PALLD: variants seen among roughly 807,000 people sequenced by gnomAD.
PALLD encodes palladin.
A neutral mutation model predicts 123.5 loss-of-function variants in PALLD; 61 were observed. The observed-to-expected ratio is 0.49, with a 90% confidence interval of 0.40 to 0.61. PALLD has a LOEUF of 0.61. Among genes scored for constraint, PALLD ranks in the 20% least tolerant of loss-of-function variants. PALLD has a pLI of 0.00. For synonymous variants in PALLD, 465 were observed against 496.4 expected (o/e 0.94, Z 0.84); for missense variants, 1,273 against 1,377.0 (o/e 0.92, Z 1.20).
At chr4:168,837,082 G>A (rs572550581) in intron 10 of PALLD, among the ~76,000 whole-genome samples, 272 of 152,230 alleles carry the variant, frequency 1.8e-3, no homozygotes, top group African/African-American at 6.2e-3. Flanking sequence ...TTCCTTTCAC[G>A]TTTCCTCATG....
intron 10 of PALLD, among the ~76,000 whole-genome samples, chr4:168,876,602 T>G (rs1023811744): frequency 4.6e-5 from 7 of 152,254 alleles, no homozygotes; most frequent in African/African-American, 9.6e-5. Flanking sequence ...TAGAACTTGC[T>G]GATGTTCCCA....
intron 2 of PALLD, among the ~76,000 whole-genome samples, chr4:168,664,829 A>G (rs1779477201): frequency 6.6e-6 from 1 of 152,104 alleles, no homozygotes; most frequent in African/African-American, 2.4e-5. Flanking sequence ...TAAAAACAAA[A>G]AGGGCAGCAT....
At chr4:168,713,201 T>A (rs1227074121) in intron 10 of PALLD, among the ~76,000 whole-genome samples, 1 of 152,212 alleles carries the variant, frequency 6.6e-6, no homozygotes, top group African/African-American at 2.4e-5. Context: ...CACAATAGTG[T>A]GAAAGGTGCT....
intron 2 of PALLD, among the ~76,000 whole-genome samples, chr4:168,611,540 C>T (rs1385705686): frequency 6.6e-6 from 1 of 152,192 alleles, no homozygotes; most frequent in Non-Finnish European, 1.5e-5. Context: ...ATCAACTCTT[C>T]AATTTGACAT....
At chr4:168,793,240 TA>T in intron 10 of PALLD, among the ~76,000 whole-genome samples, 1 of 19,336 alleles carries the variant, frequency 5.2e-5, no homozygotes, top group African/African-American at 1.9e-4. Context: ...TATACATATA[TA>T]TGTGTGCATA....
intron 2 of PALLD, among the ~76,000 whole-genome samples, chr4:168,563,463 G>A (rs1047204670): frequency 1.2e-4 from 18 of 152,150 alleles, no homozygotes; most frequent in African/African-American, 3.6e-4. Context: ...CATGATTAAA[G>A]TCAAATCTCA....
chr4:168,772,574 A>G (rs1233660030), intron 10 of PALLD, among the ~76,000 whole-genome samples: 2 of 152,226 alleles, frequency 1.3e-5, no homozygotes, highest in Non-Finnish European at 2.9e-5. Context: ...TTGAAAGCTT[A>G]TAAATAGAGG....
intron 8 of PALLD, among the ~76,000 whole-genome samples, chr4:168,704,695 T>C (rs970541978): frequency 2.7e-5 from 4 of 150,346 alleles, no homozygotes; most frequent in Non-Finnish European, 3.0e-5. Flanking sequence ...AATGTGTATG[T>C]TGTATTTGTA....
intron 10 of PALLD, among the ~76,000 whole-genome samples, chr4:168,792,756 CT>C (rs113028695): frequency 6.6e-6 from 1 of 150,716 alleles, no homozygotes; most frequent in Admixed American, 6.6e-5. Flanking sequence ...TAATCTTATT[CT>C]TTTTTTTTCT....
intron 2 of PALLD, among the ~76,000 whole-genome samples, chr4:168,599,215 AAAAACATTAGAAATGTCTACAT>A (rs1284115125): frequency 6.6e-6 from 1 of 152,210 alleles, no homozygotes; most frequent in African/African-American, 2.4e-5. Flanking sequence ...CTAATTTTAC[AAAAACATTAGAAATGTCTACAT>A]ATTTTAAGGG....
intron 2 of PALLD, among the ~76,000 whole-genome samples, chr4:168,536,067 G>A (rs1765059949): frequency 2.6e-5 from 4 of 152,114 alleles, no homozygotes; most frequent in Admixed American, 2.6e-4. Flanking sequence ...AGAATTGTCT[G>A]GAATCTTTTC....
intron 2 of PALLD, among the ~76,000 whole-genome samples, chr4:168,531,248 A>C (rs1463198823): frequency 6.6e-6 from 1 of 152,168 alleles, no homozygotes; most frequent in African/African-American, 2.4e-5. Flanking sequence ...TTGGAGTAAC[A>C]AAGAATTGCT....
Position 168,743,415 on chromosome 4 carries a change from A to AT in PALLD, c.1964+31502dup, listed in dbSNP as rs552104818. 3.8e-4 allele frequency among the ~76,000 whole-genome samples: 57 copies of AT among 149,340 alleles called. 1 individual carries two copies. Among genetic ancestry groups the AT allele is most frequent in the South Asian group, 2.3e-3 (11 of 4,726 alleles). On this transcript the variant is annotated intron_variant, in intron 10 of 21. Transcript: ENST00000505667. ...TTAATATGGTTCAATTACTTTCGAGATTTTTTTTTTAATGGGGACACTACA... is the reference window on the plus strand; with the variant it reads ...TTAATATGGTTCAATTACTTTCGAGATTTTTTTTTTTAATGGGGACACTACA...
intron 6 of PALLD, among the ~76,000 whole-genome samples, chr4:168,690,147 A>C (rs1782482111): frequency 6.6e-6 from 1 of 152,242 alleles, no homozygotes; most frequent in Non-Finnish European, 1.5e-5. Flanking sequence ...GTACATGAAA[A>C]GGCTGAGGCA....
intron 2 of PALLD, among the ~76,000 whole-genome samples, chr4:168,574,407 A>T (rs1281450410): frequency 1.3e-5 from 2 of 152,110 alleles, no homozygotes; most frequent in Non-Finnish European, 2.9e-5. Flanking sequence ...GTAGCTTCTT[A>T]CTTGTCTTCT....
At chr4:168,682,935 A>G in intron 4 of PALLD, 63 bp from the exon 5 acceptor site, 1 of 993,614 alleles carries the variant, frequency 1.0e-6, no homozygotes, top group Non-Finnish European at 1.6e-6. Flanking sequence ...CTGCTAAAAA[A>G]AAAAAACAAA....
In PALLD at chr4:168,668,216, A is replaced by G. The variant is rs1779841286; in HGVS notation, c.935A>G (p.His312Arg). 1 of 1,614,144 alleles carries G rather than the reference A, an allele frequency of 6.2e-7. No individual in the cohort carries two copies. ...VRWFCEGKEL[H>R]NTPDIQIHCE... ...TGGTTCTGTGAAGGGAAAGAACTGC[A>G]CAACACTCCTGATATTCAAATCCAC... Residue 312 changes from histidine to arginine, a missense_variant, in exon 3 of 22, where the codon CAC becomes CGC. Around this residue, in one of 2 missense-constraint regions of PALLD, gnomAD observed 944 missense variants for 954.5 expected, o/e 0.99. Transcript: ENST00000505667.
chr4:168,513,339 AGT>A (rs1561195610), intron 2 of PALLD, among the ~76,000 whole-genome samples: 2 of 152,210 alleles, frequency 1.3e-5, no homozygotes, highest in Non-Finnish European at 2.9e-5. Context: ...CAGTGAAGGG[AGT>A]ATGCACTTAG....
intron 10 of PALLD, among the ~76,000 whole-genome samples, chr4:168,788,529 G>A (rs892449545): frequency 2.0e-5 from 3 of 152,158 alleles, no homozygotes; most frequent in Non-Finnish European, 4.4e-5. Context: ...ATCGTTCTGT[G>A]TGGTACTGTG....
Sources: allele counts gnomAD v4.1 joint callset (sites outside exome capture counted in the v4.1 genomes callset), GRCh38; gene constraint gnomAD v4.1.1; regional missense constraint gnomAD v4.1.1; transcripts MANE v1.5; gene names NCBI Gene and HGNC (gene_info 2026-07-23, HGNC 2026-07-21).